The following SPTA1 variants were observed in gnomAD, a reference collection of about 807,000 sequenced individuals.
SPTA1 encodes spectrin alpha, erythrocytic 1.
In SPTA1, 177 loss-of-function variants were observed where a neutral mutation model predicts 324.7. The ratio of observed to expected loss-of-function variants is 0.55; its 90% CI spans 0.48 to 0.62. SPTA1 has a LOEUF of 0.62. Among genes scored for constraint, SPTA1 ranks in the 20% least tolerant of loss-of-function variants. SPTA1 has a pLI of 0.00. For missense variants in SPTA1, 3,162 were observed against 2,883.6 expected (o/e 1.10, Z -2.21); for synonymous variants, 1,195 against 1,041.3 (o/e 1.15, Z -2.84).
Position 158,666,609 on chromosome 1 carries a change from A to G in SPTA1, c.2039-112T>C. On this transcript the variant is annotated intron_variant, in intron 15 of 51. Coordinates refer to ENST00000643759, the MANE Select transcript of SPTA1 (RefSeq NM_003126.4). ...AATATAGTATTTTAATATTGCAAAG[A>G]GGGAAATATAACTGTCTCACATGTC... is the stretch of plus-strand genomic sequence containing the variant. 3.2e-6 allele frequency: 3 copies of G among 950,730 alleles called. No individual in the cohort carries two copies. In the South Asian group the frequency reaches 4.2e-5, roughly 13 times the overall value. 58.9% of individuals were successfully genotyped at this position (950,730 alleles called of 1,614,324 possible).
intron 38 of SPTA1, among the ~76,000 whole-genome samples, chr1:158,635,094 G>T (rs1218048523): frequency 6.6e-6 from 1 of 152,098 alleles, no homozygotes; most frequent in Non-Finnish European, 1.5e-5. Flanking sequence ...CAGGAAAAAT[G>T]GAACTACAGA....
At chr1:158,620,487 C>T (rs1649838449) in intron 43 of SPTA1, 21 bp from the exon 44 acceptor site, 2 of 1,612,032 alleles carry the variant, frequency 1.2e-6, no homozygotes, top group Non-Finnish European at 1.7e-6. Flanking sequence ...AAAAAAAAGA[C>T]ACTACCATCT....
At chr1:158,663,026 G>T (rs1653353579) in intron 16 of SPTA1, 81 bp from the exon 17 acceptor site, 2 of 1,591,776 alleles carry the variant, frequency 1.3e-6, no homozygotes. Context: ...TGGAAACGGG[G>T]TCATGGGAAA....
intron 39 of SPTA1, among the ~76,000 whole-genome samples, chr1:158,630,164 G>C (rs906797662): frequency 5.3e-5 from 8 of 151,874 alleles, no homozygotes; most frequent in African/African-American, 1.7e-4. Flanking sequence ...AATTTATATG[G>C]AATCAGAAAA....
Position 158,648,522 on chromosome 1 carries a change from G to T in SPTA1, c.3701C>A (p.Pro1234His). The change falls in exon 26 of 52, where the codon CCC becomes CAC. Residue 1234 changes from proline to histidine, a missense_variant. Coordinates refer to ENST00000643759, the MANE Select transcript of SPTA1 (RefSeq NM_003126.4). ...GACTTGTCTCACCTTATCTCCCAGGGGTACGAGGTCCCTTTCAAAGCCCTC... is the reference window on the plus strand; with the variant it reads ...GACTTGTCTCACCTTATCTCCCAGGTGTACGAGGTCCCTTTCAAAGCCCTC... ...RHEGFERDLV[P>H]LGDKVTILGE... The T allele has an allele frequency of 6.2e-7, 1 of 1,613,868 alleles. No individual in the cohort carries two copies. The highest frequency in any genetic ancestry group is 1.1e-5 in the South Asian group (1 of 91,064).
chr1:158,661,585 C>T, intron 17 of SPTA1, 176 bp from the exon 18 acceptor site: 1 of 759,066 alleles, frequency 1.3e-6, no homozygotes, highest in African/African-American at 1.8e-5. Flanking sequence ...CTTTGTTCTT[C>T]CCCTGGCCTC....
At chr1:158,645,935 C>T (rs953292450) in intron 27 of SPTA1, among the ~76,000 whole-genome samples, 2 of 152,174 alleles carry the variant, frequency 1.3e-5, no homozygotes, top group African/African-American at 4.8e-5. Context: ...CAGACATCTT[C>T]AATAAAACCT....
At chr1:158,635,849 C>T in intron 38 of SPTA1, 64 bp downstream of exon 38, 1 of 1,612,634 alleles carries the variant, frequency 6.2e-7, no homozygotes, top group Non-Finnish European at 8.5e-7. Flanking sequence ...CTTAAGTATC[C>T]TCCCAACACC....
In SPTA1 at chr1:158,617,514, G is replaced by A. The variant is rs574947621; in HGVS notation, c.6600+23C>T. On this transcript the variant is annotated intron_variant, in intron 47 of 51. Coordinates refer to ENST00000643759, the MANE Select transcript of SPTA1 (RefSeq NM_003126.4). Reference sequence around the variant, plus strand: ...CCTTATAATTTTGGCAATATCTTCAGTTAATGAAAAAACAATACTTACTTT... The same window carrying A: ...CCTTATAATTTTGGCAATATCTTCAATTAATGAAAAAACAATACTTACTTT... 3.7e-6 allele frequency: 6 copies of A among 1,606,782 alleles called. No homozygotes were observed. The South Asian group carries it at 6.6e-5, about 18-fold the overall frequency.
At chr1:158,641,693 C>T (rs1324642334) in intron 33 of SPTA1, among the ~76,000 whole-genome samples, 2 of 152,172 alleles carry the variant, frequency 1.3e-5, no homozygotes, top group East Asian at 1.9e-4. Context: ...GAAATAGGAA[C>T]ACTTTTACAC....
At chr1:158,684,127 C>T (rs1655009981) in intron 2 of SPTA1, among the ~76,000 whole-genome samples, 2 of 151,314 alleles carry the variant, frequency 1.3e-5, no homozygotes, top group Non-Finnish European at 2.9e-5. Flanking sequence ...ACTCATCTCT[C>T]TGAGAAGAGT....
rs1654492972 is a variant in SPTA1, at chr1:158,677,740, A to T, written c.907T>A (p.Phe303Ile). The T allele has an allele frequency of 1.2e-6, 2 of 1,613,538 alleles. No individual in the cohort carries two copies. Among genetic ancestry groups the T allele is most frequent in the African/African-American group, 2.7e-5 (2 of 74,874 alleles). ...CTCTCAAGTCCCTTGTGACTGTGAA[A>T]CAGTCCTTCAGAGGCAACAAGGTCT... is the stretch of plus-strand genomic sequence containing the variant. ...GKDLVASEGLFHSHKGLERNL... is the reference protein window; with the variant it reads ...GKDLVASEGLIHSHKGLERNL... Residue 303 changes from phenylalanine to isoleucine, a missense_variant, in exon 7 of 52, where the codon TTT becomes ATT. Transcript: ENST00000643759.
rs1311543775 is a variant in SPTA1 at position 158,653,260 on chromosome 1, G to A, written c.3188+14C>T. 2.5e-6 allele frequency: 4 copies of A among 1,613,984 alleles called. No individual in the cohort carries two copies. Among genetic ancestry groups the A allele is most frequent in the Middle Eastern group, 1.7e-4 (1 of 6,036 alleles). On this transcript the variant is annotated intron_variant, in intron 22 of 51. Coordinates refer to ENST00000643759, the MANE Select transcript of SPTA1 (RefSeq NM_003126.4). ...GACCAAATACTGTTCAGTTCTCCAG[G>A]CTCCAGAACTTACTGGTTCTCAATC...
In SPTA1 at chr1:158,623,090, C is replaced by T; in HGVS notation, c.6013G>A (p.Ala2005Thr). Residue 2005 changes from alanine (A) to threonine (T), a missense_variant, in exon 43 of 52, where the codon GCC (alanine) becomes ACC (threonine). Coordinates refer to ENST00000643759, the MANE Select transcript of SPTA1 (RefSeq NM_003126.4). ...AGAGCGGCATAACGCTCTTCAATGGCTTTAGACTGGTTGTGTTGAGCAGAA... is the reference window on the plus strand; with the variant it reads ...AGAGCGGCATAACGCTCTTCAATGGTTTTAGACTGGTTGTGTTGAGCAGAA... ...LISAQHNQSK[A>T]IEERYAALLK... 1.2e-6 allele frequency: 2 copies of T among 1,614,158 alleles called. No individual in the cohort carries two copies. The highest frequency in any genetic ancestry group is 1.7e-6 in the Non-Finnish European group (2 of 1,180,032).
chr1:158,633,544 C>T (rs562019348), intron 39 of SPTA1, among the ~76,000 whole-genome samples: 2 of 151,618 alleles, frequency 1.3e-5, no homozygotes, highest in Admixed American at 1.3e-4. Context: ...GCCTGTAGTC[C>T]CAGCTACTCG....
intron 26 of SPTA1, among the ~76,000 whole-genome samples, chr1:158,648,041 C>T (rs1652130593): frequency 6.6e-6 from 1 of 152,134 alleles, no homozygotes; most frequent in African/African-American, 2.4e-5. Context: ...TTTTGCTCTG[C>T]ATGATAATGC....
chr1:158,641,728 C>T (rs1251357472), intron 33 of SPTA1, among the ~76,000 whole-genome samples: 1 of 152,186 alleles, frequency 6.6e-6, no homozygotes, highest in Non-Finnish European at 1.5e-5. Flanking sequence ...TAAACTGGTT[C>T]AACCATTGGG....
chr1:158,657,812 G>A (rs1299857058), intron 18 of SPTA1, 118 bp from the exon 19 acceptor site: 7 of 1,061,136 alleles, frequency 6.6e-6, no homozygotes, highest in African/African-American at 1.6e-5. Flanking sequence ...TTATTTAGTC[G>A]ACGTTATATT....
At chr1:158,624,786 G>C (rs1650164116) in intron 42 of SPTA1, among the ~76,000 whole-genome samples, 1 of 152,188 alleles carries the variant, frequency 6.6e-6, no homozygotes, top group African/African-American at 2.4e-5. Flanking sequence ...AAGCCAAGCA[G>C]AAATGGTAGC....
Sources: allele counts gnomAD v4.1 joint callset (sites outside exome capture counted in the v4.1 genomes callset), GRCh38; gene constraint gnomAD v4.1.1; transcripts MANE v1.5; gene names NCBI Gene and HGNC (gene_info 2026-07-23, HGNC 2026-07-21).